Variants in GPATCH2L observed in about 807,000 individuals in gnomAD.
GPATCH2L encodes the protein G patch domain-containing protein 2-like.
A neutral mutation model predicts 57.4 loss-of-function variants in GPATCH2L; 31 were observed. The ratio of observed to expected loss-of-function variants is 0.54; its 90% confidence interval spans 0.41 to 0.73. The LOEUF (loss-of-function observed/expected upper bound fraction) is 0.73, where lower values mean the gene tolerates loss of function less well. Among genes scored for constraint, GPATCH2L ranks in the 30% least tolerant of loss-of-function variants. The pLI is 0.00. For missense variants in GPATCH2L, 481 were observed against 599.9 expected, an observed-to-expected ratio of 0.80 and a Z score of 2.07; for synonymous variants, 199 against 210.7, an observed-to-expected ratio of 0.94 and a Z score of 0.48.
chr14:76,234,707 C>G (rs1386470461), intron 2 of GPATCH2L: 1 of 152,398 alleles, frequency 6.6e-6, no homozygotes, highest in Non-Finnish European at 1.5e-5. Context: ...CTCAGTTGAG[C>G]CTCTGATGAG....
chr14:76,201,615 A>T (rs984990764), intron 9 of GPATCH2L, 76 bp from the exon 10 acceptor site: 9 of 1,114,490 alleles, frequency 8.1e-6, no homozygotes, highest in Non-Finnish European at 8.7e-6. Flanking sequence ...TTTTCTAAGT[A>T]TCTCTCATTC....
intron 8 of GPATCH2L, among the ~76,000 whole-genome samples, chr14:76,184,197 G>GT (rs1303798441): frequency 6.6e-6 from 1 of 152,130 alleles, no homozygotes; most frequent in South Asian, 2.1e-4. Flanking sequence ...TTCCCAGGCT[G>GT]TTTTTCCTCT....
intron 8 of GPATCH2L, among the ~76,000 whole-genome samples, chr14:76,186,956 A>G (rs555812592): frequency 6.6e-6 from 1 of 152,158 alleles, no homozygotes; most frequent in East Asian, 1.9e-4. Flanking sequence ...AGTGAAAATC[A>G]TTAGTGGAAT....
chr14:76,227,428 G>A (rs149347444), intron 1 of GPATCH2L, among the ~76,000 whole-genome samples: 1 of 152,178 alleles, frequency 6.6e-6, no homozygotes, highest in Non-Finnish European at 1.5e-5. Flanking sequence ...GTCCAGGGGG[G>A]AGGGACTCAG....
intron 5 of GPATCH2L, chr14:76,175,588 GC>G (rs758250693): frequency 1.3e-5 from 2 of 151,662 alleles, no homozygotes; most frequent in African/African-American, 4.9e-5. Flanking sequence ...TTTTCCCTTG[GC>G]CCCCCTACCA....
chr14:76,230,383 C>A (rs1021718115), intron 2 of GPATCH2L: 3 of 151,656 alleles, frequency 2.0e-5, no homozygotes, highest in African/African-American at 4.8e-5. Context: ...ATGAGTAGCT[C>A]CTGTATTTGC....
At chr14:76,224,468 G>A (rs1282246957) in intron 1 of GPATCH2L, among the ~76,000 whole-genome samples, 2 of 152,036 alleles carry the variant, frequency 1.3e-5, no homozygotes, top group Non-Finnish European at 2.9e-5. Flanking sequence ...ATAGAATGAT[G>A]CAGAAAAAGC....
rs955273990 is a variant in GPATCH2L, at chr14:76,224,228, A to G, written c.66-5580A>G. 4.6e-5 allele frequency among the ~76,000 whole-genome samples: 7 copies of G among 152,334 alleles called. No individual in the cohort carries two copies. The East Asian group carries it at 1.2e-3, about 25-fold the overall frequency. ...ACAGGCAGTAGATTAGTAGCTGCCA[A>G]TGGGAAAAGGGGAATGGGGAAGGAC... is the stretch of plus-strand genomic sequence containing the variant. On this transcript the variant is annotated intron_variant and NMD_transcript_variant, in intron 1 of 3. Transcript: ENST00000556372.
intron 1 of GPATCH2L, among the ~76,000 whole-genome samples, chr14:76,224,908 CTG>C (rs530889083): frequency 2.7e-4 from 41 of 152,028 alleles, no homozygotes; most frequent in African/African-American, 9.9e-4. Context: ...AAGACATAAA[CTG>C]AGAATAAATC....
At chr14:76,229,452 T>C (rs2040550798) in intron 1 of GPATCH2L, among the ~76,000 whole-genome samples, 2 of 152,220 alleles carry the variant, frequency 1.3e-5, no homozygotes, top group Admixed American at 6.5e-5. Flanking sequence ...TGCTCATGTT[T>C]GTCAGAAAGC....
chr14:76,176,816 TG>T, intron 6 of GPATCH2L, 126 bp downstream of exon 6: 1 of 663,806 alleles, frequency 1.5e-6, no homozygotes. Context: ...ATTTGTACGT[TG>T]TAACAGTTAA....
rs374329052 is a variant in GPATCH2L at position 76,173,531 on chromosome 14, T to G, written c.905-15T>G. ...TTTCTGCATTCGGTATCTGAGGCCT[T>G]CCTTCTTTTTTTAGGGTACCATACT... On this transcript the variant is annotated splice_polypyrimidine_tract_variant and intron_variant, in intron 4 of 9. Transcript: ENST00000261530. 2.5e-6 allele frequency: 4 copies of G among 1,581,488 alleles called. No individual in the cohort carries two copies. The highest frequency in any genetic ancestry group is 1.7e-5 in the Admixed American group (1 of 57,700).
chr14:76,156,867 T>G (rs752610739), intron 2 of GPATCH2L, among the ~76,000 whole-genome samples: 2 of 152,190 alleles, frequency 1.3e-5, no homozygotes, highest in African/African-American at 2.4e-5. Context: ...GCTTCACTCT[T>G]TTCTGTTCCT....
downstream of GPATCH2L, among the ~76,000 whole-genome samples, chr14:76,215,687 A>C (rs978488644): frequency 6.1e-5 from 9 of 146,710 alleles, no homozygotes; most frequent in African/African-American, 2.3e-4. Flanking sequence ...AACACCACAT[A>C]TTCTCACTCA....
At position 76,213,204 on chromosome 14, in the gene GPATCH2L, AAC is replaced by A. The variant is rs1221997680; in HGVS notation, c.*11357_*11358del. Reference sequence around the variant, plus strand: ...TTAGCTAACATTACAAGAGAAGACAAACACAAAATAAGAATTACCAAGTATTG... The same window carrying A: ...TTAGCTAACATTACAAGAGAAGACAAACAAAATAAGAATTACCAAGTATTG... On this transcript the variant is annotated 3_prime_UTR_variant, in exon 10 of 10. Coordinates refer to ENST00000261530, the MANE Select transcript of GPATCH2L (RefSeq NM_017926.4). The A allele has an allele frequency of 6.6e-6, 1 of 152,176 alleles. No homozygotes were observed. The highest frequency in any genetic ancestry group is 2.4e-5 in the African/African-American group (1 of 41,452). 9.4% of individuals were successfully genotyped at this position (152,176 alleles called of 1,614,324 possible). A position where few individuals can be genotyped will look rare whatever the true frequency, so the allele number is the denominator to read the frequency against.
chr14:76,168,752 A>G (rs992474903), intron 3 of GPATCH2L, among the ~76,000 whole-genome samples: 16 of 152,236 alleles, frequency 1.1e-4, no homozygotes, highest in African/African-American at 2.7e-4. Flanking sequence ...TGCTCTTCCT[A>G]AAAGGGAAGG....
At chr14:76,180,386 G>C (rs1417746146) in intron 7 of GPATCH2L, among the ~76,000 whole-genome samples, 3 of 152,174 alleles carry the variant, frequency 2.0e-5, no homozygotes, top group Admixed American at 2.0e-4. Context: ...CCAGGATAAG[G>C]AAATGAAAAG....
At chr14:76,184,365 G>C (rs971964793) in intron 8 of GPATCH2L, among the ~76,000 whole-genome samples, 3 of 152,020 alleles carry the variant, frequency 2.0e-5, no homozygotes, top group Admixed American at 2.0e-4. Flanking sequence ...GTTCCCTCCT[G>C]TCAGGTTACT....
At chr14:76,222,475 C>A (rs567529909) in intron 1 of GPATCH2L, among the ~76,000 whole-genome samples, 1 of 151,666 alleles carries the variant, frequency 6.6e-6, no homozygotes, top group South Asian at 2.1e-4. Context: ...AGCGTGGTGG[C>A]GTGCACCTGT....
Sources: allele counts gnomAD v4.1 joint callset (sites outside exome capture counted in the v4.1 genomes callset), GRCh38; gene constraint gnomAD v4.1.1; transcripts MANE v1.5; gene names NCBI Gene and HGNC (gene_info 2026-07-23, HGNC 2026-07-21).